Variants in AGBL1 observed in about 807,000 individuals in gnomAD.
The protein encoded by AGBL1 is AGBL carboxypeptidase 1.
A neutral mutation model predicts 118.9 loss-of-function variants in AGBL1; 130 were observed. The observed-to-expected ratio is 1.09, with a 90% CI of 0.95 to 1.26. AGBL1 has a LOEUF of 1.26. Among genes scored for constraint, AGBL1 ranks in the 50% most tolerant of loss-of-function variants. The pLI, the probability that AGBL1 is intolerant of heterozygous loss-of-function variation, is 0.00. For synonymous variants in AGBL1, 555 were observed against 478.9 expected, an observed-to-expected ratio of 1.16 and a Z score of -2.08; for missense variants, 1,584 against 1,298.1, an observed-to-expected ratio of 1.22 and a Z score of -3.38.
intron 18 of AGBL1, among the ~76,000 whole-genome samples, chr15:86,469,500 G>T (rs1344053804): frequency 6.6e-6 from 1 of 152,116 alleles, no homozygotes; most frequent in Non-Finnish European, 1.5e-5. Flanking sequence ...CACTTAGATT[G>T]ATTCTGTATC....
chr15:86,723,138 G>A (rs2086755429), intron 22 of AGBL1, among the ~76,000 whole-genome samples: 1 of 152,184 alleles, frequency 6.6e-6, no homozygotes, highest in African/African-American at 2.4e-5. Context: ...ATTTGACCCA[G>A]CCATCCCATT....
chr15:86,935,527 CCTT>C (rs1321066007), intron 23 of AGBL1, among the ~76,000 whole-genome samples: 1 of 152,072 alleles, frequency 6.6e-6, no homozygotes, highest in African/African-American at 2.4e-5. Flanking sequence ...GGGCACACAG[CCTT>C]CTTCTTTTAT....
chr15:86,872,607 T>G (rs896962896), intron 22 of AGBL1, among the ~76,000 whole-genome samples: 2 of 151,854 alleles, frequency 1.3e-5, no homozygotes, highest in African/African-American at 2.4e-5. Context: ...TAGAAAAAAA[T>G]TAGCTGGGTA....
rs116792658 is a variant in AGBL1 at position 86,527,769 on chromosome 15, A to G, written c.2685+4830A>G. 4.1e-3 allele frequency among the ~76,000 whole-genome samples: 618 copies of G among 152,340 alleles called. 5 individuals carry two copies. Among genetic ancestry groups the G allele is most frequent in the African/African-American group, 0.014 (593 of 41,584 alleles). The stretch of plus-strand genomic sequence containing the variant: ...TGAGTGGATTAATATGACTCCCAGG[A>G]CCAAAAAGAATGTGGTACTGTGAGA... On this transcript the variant is annotated intron_variant, in intron 19 of 22. Coordinates refer to ENST00000614907, the MANE Select transcript of AGBL1 (RefSeq NM_001386094.1).
rs1266530131 is a variant in AGBL1, at chr15:86,295,376, A to T, written c.2342A>T (p.Glu781Val). 6.2e-7 allele frequency: 1 copy of T among 1,604,226 alleles called. No individual in the cohort carries two copies. The highest frequency in any genetic ancestry group is 2.2e-5 in the East Asian group (1 of 44,794). Reference protein sequence around the residue: ...CPLVTITAMPESNSDEHLEQF... With the variant: ...CPLVTITAMPVSNSDEHLEQF... ...TTGGTGACCATCACGGCCATGCCTG[A>T]GTCCAACAGTGATGAGCATCTAGAG... Residue 781 changes from glutamate to valine, a missense_variant, in exon 17 of 23, where the codon GAG becomes GTG. Glu to Val is a moderately radical substitution (Grantham distance 121). Coordinates refer to ENST00000614907, the MANE Select transcript of AGBL1 (RefSeq NM_001386094.1).
At chr15:87,008,911 A>G (rs552809105) in intron 24 of AGBL1, among the ~76,000 whole-genome samples, 4 of 152,330 alleles carry the variant, frequency 2.6e-5, no homozygotes, top group African/African-American at 9.6e-5. Flanking sequence ...AAAGCATTCA[A>G]GAGATTACTT....
chr15:86,838,763 G>A (rs1279657163), intron 22 of AGBL1, among the ~76,000 whole-genome samples: 1 of 151,384 alleles, frequency 6.6e-6, no homozygotes, highest in Non-Finnish European at 1.5e-5. Flanking sequence ...AACATAGTGA[G>A]ACCTCATCCC....
chr15:86,982,595 C>T (rs1362728125), intron 23 of AGBL1, among the ~76,000 whole-genome samples: 6 of 152,154 alleles, frequency 3.9e-5, no homozygotes, highest in African/African-American at 1.4e-4. Flanking sequence ...GCAAGACCAA[C>T]CCCTCCTCTT....
At chr15:86,905,633 A>G (rs1184583457) in intron 22 of AGBL1, among the ~76,000 whole-genome samples, 2 of 152,230 alleles carry the variant, frequency 1.3e-5, no homozygotes, top group African/African-American at 4.8e-5. Flanking sequence ...TTAGTATTCA[A>G]TGCAACTATT....
At chr15:86,572,129 C>T (rs951842616) in intron 21 of AGBL1, among the ~76,000 whole-genome samples, 11 of 152,140 alleles carry the variant, frequency 7.2e-5, no homozygotes, top group African/African-American at 2.4e-4. Flanking sequence ...TTGGAGTGGG[C>T]GTTGACAGCG....
chr15:87,005,797 G>A (rs893243366), intron 24 of AGBL1, among the ~76,000 whole-genome samples: 1 of 152,124 alleles, frequency 6.6e-6, no homozygotes, highest in Non-Finnish European at 1.5e-5. Flanking sequence ...CAGTTTTTCT[G>A]CTCTGTTTTT....
intron 1 of AGBL1, among the ~76,000 whole-genome samples, chr15:86,127,912 A>G (rs1307772465): frequency 1.3e-5 from 2 of 152,130 alleles, no homozygotes; most frequent in African/African-American, 4.8e-5. Flanking sequence ...TTATTGAATA[A>G]CCACTTAGAG....
In AGBL1 at chr15:86,727,068, A is replaced by G. The variant is rs116002686; in HGVS notation, c.3158+52632A>G. ...AACTCCCTTTGGACTGTGTTGTATCAAGGAAATGGAAAAGAAAGTGTCAGG... is the reference window on the plus strand; with the variant it reads ...AACTCCCTTTGGACTGTGTTGTATCGAGGAAATGGAAAAGAAAGTGTCAGG... On this transcript the variant is annotated intron_variant, in intron 22 of 22. Transcript: ENST00000614907. Among the ~76,000 whole-genome samples, 934 of 152,314 alleles carry G rather than the reference A, an allele frequency of 6.1e-3. 11 individuals are homozygous for G. The highest frequency in any genetic ancestry group is 0.021 in the African/African-American group (885 of 41,564).
At chr15:86,967,364 C>T (rs1347638351) in intron 23 of AGBL1, among the ~76,000 whole-genome samples, 5 of 152,032 alleles carry the variant, frequency 3.3e-5, no homozygotes, top group African/African-American at 1.2e-4. Context: ...GCTTTTGTTG[C>T]CATTGCTTTT....
chr15:86,728,547 G>T (rs1297103599), intron 22 of AGBL1, among the ~76,000 whole-genome samples: 1 of 152,102 alleles, frequency 6.6e-6, no homozygotes. Context: ...TCAGAGCCTT[G>T]TGGAGCCATA....
intron 3 of AGBL1, among the ~76,000 whole-genome samples, chr15:86,151,340 C>G (rs62012452): frequency 0.15 from 22,356 of 149,376 alleles, 2,192 homozygotes; most frequent in African/African-American, 0.27. Flanking sequence ...ACAATCAAGT[C>G]AGCTTCATCC....
At chr15:86,475,888 C>T (rs2082551737) in intron 18 of AGBL1, among the ~76,000 whole-genome samples, 1 of 152,196 alleles carries the variant, frequency 6.6e-6, no homozygotes, top group African/African-American at 2.4e-5. Flanking sequence ...AGCAGAAACT[C>T]TACAAGCCAG....
intron 18 of AGBL1, among the ~76,000 whole-genome samples, chr15:86,481,553 G>A (rs2082651807): frequency 6.6e-6 from 1 of 152,084 alleles, no homozygotes; most frequent in Admixed American, 6.6e-5. Context: ...AAATTGTGGT[G>A]CTTATGTTTA....
intron 5 of AGBL1, among the ~76,000 whole-genome samples, chr15:86,201,363 G>A (rs1240296867): frequency 6.6e-6 from 1 of 152,220 alleles, no homozygotes; most frequent in Non-Finnish European, 1.5e-5. Context: ...TGGGTAGGAT[G>A]TTGATTACAG....
Sources: allele counts gnomAD v4.1 joint callset (sites outside exome capture counted in the v4.1 genomes callset), GRCh38; gene constraint gnomAD v4.1.1; transcripts MANE v1.5; gene names NCBI Gene and HGNC (gene_info 2026-07-23, HGNC 2026-07-21).